MACROD2: variants seen among roughly 807,000 people sequenced by gnomAD.
MACROD2 encodes ADP-ribose glycohydrolase MACROD2.
A neutral mutation model predicts 70.4 loss-of-function variants in MACROD2; 36 were observed. The ratio of observed to expected loss-of-function variants is 0.51; its 90% CI spans 0.39 to 0.68. MACROD2 has a LOEUF of 0.68. MACROD2 is among the 30% of genes least tolerant of loss of function. The pLI is 0.00. For synonymous variants in MACROD2, 172 were observed against 178.8 expected (o/e 0.96, Z 0.30); for missense variants, 496 against 538.4 (o/e 0.92, Z 0.78).
At chr20:14,088,588 T>C (rs2054111547) in intron 3 of MACROD2, among the ~76,000 whole-genome samples, 1 of 152,162 alleles carries the variant, frequency 6.6e-6, no homozygotes, top group South Asian at 2.1e-4. Context: ...TTTTAAATAC[T>C]TGAAGATCAC....
chr20:15,690,205 A>T (rs1029831255), intron 8 of MACROD2, among the ~76,000 whole-genome samples: 2 of 152,236 alleles, frequency 1.3e-5, no homozygotes, highest in Admixed American at 6.5e-5. Flanking sequence ...GTGAAGGCAG[A>T]TGAATGGTGC....
chr20:15,111,901 G>A (rs1228902456), intron 5 of MACROD2, among the ~76,000 whole-genome samples: 1 of 152,202 alleles, frequency 6.6e-6, no homozygotes, highest in Non-Finnish European at 1.5e-5. Flanking sequence ...CCTCCACTCA[G>A]CCCCTGCCTA....
At chr20:15,765,093 G>C (rs981604046) in intron 8 of MACROD2, among the ~76,000 whole-genome samples, 1 of 152,066 alleles carries the variant, frequency 6.6e-6, no homozygotes, top group African/African-American at 2.4e-5. Flanking sequence ...CTTCCTCAAA[G>C]AGGTCTTGTC....
intron 6 of MACROD2, among the ~76,000 whole-genome samples, chr20:15,408,196 T>A (rs2046030632): frequency 6.6e-6 from 1 of 152,214 alleles, no homozygotes; most frequent in African/African-American, 2.4e-5. Context: ...AACTTCACAA[T>A]GCCATAGGCA....
intron 9 of MACROD2, among the ~76,000 whole-genome samples, chr20:15,883,246 C>T (rs996677555): frequency 6.6e-6 from 1 of 151,964 alleles, no homozygotes; most frequent in African/African-American, 2.4e-5. Context: ...TTATCTCTCT[C>T]TCTGAGATTC....
intron 4 of MACROD2, among the ~76,000 whole-genome samples, chr20:14,522,035 G>A (rs781430716): frequency 5.9e-5 from 9 of 152,142 alleles, no homozygotes; most frequent in Non-Finnish European, 1.0e-4. Context: ...AAGCCTTCCC[G>A]TCGAAGCCGC....
intron 12 of MACROD2, among the ~76,000 whole-genome samples, chr20:15,963,719 T>C (rs962683767): frequency 4.0e-5 from 6 of 151,744 alleles, no homozygotes; most frequent in Admixed American, 6.6e-5. Flanking sequence ...TACGTGTAAT[T>C]GACTGCATTA....
At chr20:15,089,023 A>G (rs2075773830) in intron 5 of MACROD2, among the ~76,000 whole-genome samples, 1 of 152,164 alleles carries the variant, frequency 6.6e-6, no homozygotes, top group Admixed American at 6.6e-5. Context: ...CCCAAGCAGT[A>G]GAGTAGGACA....
At chr20:16,040,976 G>T (rs911198488) in intron 15 of MACROD2, among the ~76,000 whole-genome samples, 2 of 151,934 alleles carry the variant, frequency 1.3e-5, no homozygotes, top group Non-Finnish European at 2.9e-5. Context: ...AACTATATAT[G>T]TATATATGTG....
intron 5 of MACROD2, among the ~76,000 whole-genome samples, chr20:14,992,765 A>G (rs529627870): frequency 5.3e-5 from 8 of 152,306 alleles, no homozygotes; most frequent in Non-Finnish European, 1.0e-4. Context: ...AGCTAAATGT[A>G]TATCGTATAT....
intron 4 of MACROD2, among the ~76,000 whole-genome samples, chr20:14,507,012 CTT>C (rs1030604709): frequency 6.6e-6 from 1 of 152,078 alleles, no homozygotes; most frequent in Non-Finnish European, 1.5e-5. Context: ...ATTCAAAACA[CTT>C]TTAAAAAATG....
chr20:14,944,367 C>T (rs1303861590), intron 5 of MACROD2, among the ~76,000 whole-genome samples: 1 of 152,152 alleles, frequency 6.6e-6, no homozygotes, highest in Non-Finnish European at 1.5e-5. Flanking sequence ...ATTGCATTCT[C>T]CTTTCTTCAT....
chr20:14,983,385 A>G (rs2074819398), intron 5 of MACROD2, among the ~76,000 whole-genome samples: 1 of 151,626 alleles, frequency 6.6e-6, no homozygotes, highest in Non-Finnish European at 1.5e-5. Flanking sequence ...ATGTGAGGAC[A>G]TGAGAATTGG....
At chr20:15,402,941 G>T (rs1185664067) in intron 6 of MACROD2, among the ~76,000 whole-genome samples, 2 of 151,806 alleles carry the variant, frequency 1.3e-5, no homozygotes, top group Non-Finnish European at 2.9e-5. Flanking sequence ...CTCTTAACAG[G>T]TGTTTTTTTT....
chr20:14,132,008 G>C (rs1035388488), intron 3 of MACROD2, among the ~76,000 whole-genome samples: 2 of 151,526 alleles, frequency 1.3e-5, no homozygotes, highest in Non-Finnish European at 2.9e-5. Context: ...GTGTGCACCT[G>C]TAGTCCCAGC....
intron 3 of MACROD2, among the ~76,000 whole-genome samples, chr20:14,232,780 T>G (rs1389699168): frequency 6.6e-6 from 1 of 152,244 alleles, no homozygotes; most frequent in African/African-American, 2.4e-5. Context: ...AAGTGGCACT[T>G]TCAGTTTCCT....
At chr20:14,346,093 CAAAAAAAAAAAAAAAAAAAA>C (rs71190130) in intron 3 of MACROD2, among the ~76,000 whole-genome samples, 4 of 41,150 alleles carry the variant, frequency 9.7e-5, no homozygotes, top group Non-Finnish European at 1.6e-4. Context: ...GATTCTGCCT[CAAAAAAAAAAAAAAAAAAAA>C]AAAAAAAAAA....
chr20:14,246,336 G>A (rs1009448992), intron 3 of MACROD2, among the ~76,000 whole-genome samples: 7 of 152,174 alleles, frequency 4.6e-5, no homozygotes, highest in Non-Finnish European at 1.0e-4. Flanking sequence ...GTACTTTGAT[G>A]TAGTATTGGA....
At chr20:14,191,695 G>C (rs2148739446) in intron 3 of MACROD2, among the ~76,000 whole-genome samples, 1 of 152,322 alleles carries the variant, frequency 6.6e-6, no homozygotes, top group Non-Finnish European at 1.5e-5. Flanking sequence ...GGAAGAGCCA[G>C]GGAATATTTG....
Sources: gnomAD v4.1 joint callset for allele counts (sites outside exome capture counted in the v4.1 genomes callset) on GRCh38, gnomAD v4.1.1 for gene constraint, MANE v1.5 for transcripts, NCBI Gene and HGNC (gene_info 2026-07-23, HGNC 2026-07-21) for gene names.